The following SLC24A2 variants were observed in gnomAD, a reference collection of about 807,000 sequenced individuals.
SLC24A2 encodes the protein sodium/potassium/calcium exchanger 2.
A neutral mutation model predicts 62.0 loss-of-function variants in SLC24A2; 36 were observed. The ratio of observed to expected loss-of-function variants is 0.58; its 90% CI spans 0.44 to 0.77. The LOEUF (loss-of-function observed/expected upper bound fraction) is 0.77. SLC24A2 is among the 30% of genes least tolerant of loss of function. The pLI is 0.00. For missense variants in SLC24A2, 846 were observed against 817.9 expected, an observed-to-expected ratio of 1.03 and a Z score of -0.42; for synonymous variants, 358 against 294.0, an observed-to-expected ratio of 1.22 and a Z score of -2.23.
chr9:19,720,415 T>A (rs931646030), intron 2 of SLC24A2, among the ~76,000 whole-genome samples: 10 of 152,152 alleles, frequency 6.6e-5, no homozygotes. Context: ...CTGCAAAAGA[T>A]GGTACACAAA....
chr9:19,592,861 C>G (rs1382395417), intron 5 of SLC24A2, among the ~76,000 whole-genome samples: 2 of 152,192 alleles, frequency 1.3e-5, no homozygotes, highest in African/African-American at 4.8e-5. Flanking sequence ...TGCAGTATCA[C>G]TGTATGAGAA....
the SLC24A2 span, among the ~76,000 whole-genome samples, chr9:19,877,365 ACTATGGAGTTTGGCT>A: frequency 2.1e-5 from 3 of 140,232 alleles, no homozygotes; most frequent in African/African-American, 7.8e-5. Context: ...TGTAGGCTAA[ACTATGGAGTTTGGCT>A]CCATAGTTTA....
At chr9:20,059,221 T>A in the SLC24A2 span, among the ~76,000 whole-genome samples, 1 of 152,108 alleles carries the variant, frequency 6.6e-6, no homozygotes, top group East Asian at 1.9e-4. Context: ...AGGGTCCTCA[T>A]AAGAGGGAAA....
chr9:19,748,090 T>C lies in SLC24A2; in HGVS notation c.930+37847A>G, dbSNP rs1587262516. Among the ~76,000 whole-genome samples the C allele has an allele frequency of 2.6e-5, 4 of 152,300 alleles. 1 individual carries two copies. In the South Asian group the frequency reaches 8.3e-4, roughly 32 times the overall value. On this transcript the variant is annotated intron_variant, in intron 2 of 10. Coordinates refer to ENST00000341998, the MANE Select transcript of SLC24A2 (RefSeq NM_020344.4). The stretch of plus-strand genomic sequence containing the variant: ...GGTTCTGCAAAATTCGTAAGTTCAC[T>C]AAAGAGATATGCAATAGTGAATATC...
At chr9:19,553,542 C>T (rs1834942676) in intron 7 of SLC24A2, among the ~76,000 whole-genome samples, 1 of 152,158 alleles carries the variant, frequency 6.6e-6, no homozygotes, top group African/African-American at 2.4e-5. Flanking sequence ...AAATCTGACA[C>T]AAAAACATAT....
At chr9:20,123,715 T>C in the SLC24A2 span, among the ~76,000 whole-genome samples, 1 of 152,208 alleles carries the variant, frequency 6.6e-6, no homozygotes, top group African/African-American at 2.4e-5. Flanking sequence ...GTGGTAATTA[T>C]CATTAACGTC....
the SLC24A2 span, among the ~76,000 whole-genome samples, chr9:19,823,822 A>T: frequency 6.6e-6 from 1 of 152,192 alleles, no homozygotes; most frequent in African/African-American, 2.4e-5. Context: ...ACCAAAACAG[A>T]TGTATAGACC....
intron 2 of SLC24A2, among the ~76,000 whole-genome samples, chr9:19,725,331 C>T (rs988031619): frequency 7.9e-5 from 12 of 152,166 alleles, no homozygotes; most frequent in Admixed American, 2.6e-4. Context: ...TTACATATAA[C>T]TCAATCAGTT....
At chr9:19,683,016 T>G (rs1362420528) in intron 2 of SLC24A2, among the ~76,000 whole-genome samples, 1 of 152,114 alleles carries the variant, frequency 6.6e-6, no homozygotes, top group Non-Finnish European at 1.5e-5. Flanking sequence ...GCAGTAAAGC[T>G]AGGGACCCAC....
At chr9:20,286,221 T>C in the SLC24A2 span, among the ~76,000 whole-genome samples, 15 of 152,354 alleles carry the variant, frequency 9.8e-5, no homozygotes, top group Non-Finnish European at 1.6e-4. Context: ...TTGCACATAA[T>C]AGAAAATCCA....
At chr9:19,562,048 G>A (rs1220304699) in intron 7 of SLC24A2, among the ~76,000 whole-genome samples, 2 of 152,130 alleles carry the variant, frequency 1.3e-5, no homozygotes, top group Non-Finnish European at 2.9e-5. Context: ...TGAAGAGTCT[G>A]GTGAAATGCA....
At chr9:20,225,840 A>G in the SLC24A2 span, among the ~76,000 whole-genome samples, 1 of 151,700 alleles carries the variant, frequency 6.6e-6, no homozygotes, top group Non-Finnish European at 1.5e-5. Context: ...CATGGGTCTG[A>G]GGATATTGTT....
At chr9:19,872,606 A>G in the SLC24A2 span, among the ~76,000 whole-genome samples, 2 of 152,264 alleles carry the variant, frequency 1.3e-5, no homozygotes, top group East Asian at 3.9e-4. Context: ...CTCCCTGCTA[A>G]GGCCTTGATC....
chr9:20,058,261 T>A, the SLC24A2 span, among the ~76,000 whole-genome samples: 1 of 152,140 alleles, frequency 6.6e-6, no homozygotes, highest in Non-Finnish European at 1.5e-5. Context: ...AAGCTAGACA[T>A]AATGTAAGTC....
At chr9:19,911,286 A>G in the SLC24A2 span, among the ~76,000 whole-genome samples, 1 of 152,110 alleles carries the variant, frequency 6.6e-6, no homozygotes, top group South Asian at 2.1e-4. Context: ...CATGGTGTCT[A>G]TGTGCCACAT....
chr9:19,788,834 G>C, intron 1 of SLC24A2, 51 bp downstream of exon 1: 4 of 985,416 alleles, frequency 4.1e-6, no homozygotes, highest in African/African-American at 1.7e-5. Context: ...ATGCGGGGAC[G>C]ACCGCCACAG....
intron 4 of SLC24A2, among the ~76,000 whole-genome samples, chr9:19,604,749 C>T (rs977532406): frequency 6.6e-6 from 1 of 152,096 alleles, no homozygotes; most frequent in African/African-American, 2.4e-5. Context: ...GGAAAAAGGA[C>T]TGGAAGACAT....
intron 8 of SLC24A2, among the ~76,000 whole-genome samples, chr9:19,548,126 G>A: frequency 6.6e-6 from 1 of 151,610 alleles, no homozygotes; most frequent in South Asian, 2.1e-4. Flanking sequence ...CTCTCCACTA[G>A]GCTGCATTAT....
the SLC24A2 span, among the ~76,000 whole-genome samples, chr9:19,943,634 G>C: frequency 5.4e-4 from 82 of 152,274 alleles, no homozygotes; most frequent in African/African-American, 1.9e-3. Context: ...AATTAGGAGA[G>C]CACTTTGCAG....
Sources: gnomAD v4.1 joint callset for allele counts (sites outside exome capture counted in the v4.1 genomes callset) on GRCh38, gnomAD v4.1.1 for gene constraint, MANE v1.5 for transcripts, NCBI Gene and HGNC (gene_info 2026-07-23, HGNC 2026-07-21) for gene names.